TAF1: variants seen among roughly 807,000 people sequenced by gnomAD.
TAF1 encodes the protein TATA-box binding protein associated factor 1.
TAF1 carries 2 observed loss-of-function variants against 138.5 expected under a neutral mutation model. The ratio of observed to expected loss-of-function variants is 0.01; its 90% CI spans 0.01 to 0.05. The LOEUF is 0.05. Among genes scored for constraint, TAF1 ranks in the 10% least tolerant of loss-of-function variants. The pLI is 1.00. For synonymous variants in TAF1, 437 were observed against 503.2 expected, an observed-to-expected ratio of 0.87 and a Z score of 1.76; for missense variants, 709 against 1,478.0, an observed-to-expected ratio of 0.48 and a Z score of 8.53.
intron 34 of TAF1, among the ~76,000 whole-genome samples, chrX:71,457,310 A>G (rs1569370768): frequency 1.8e-5 from 2 of 112,638 alleles, no homozygotes. Flanking sequence ...GAAATAAGTT[A>G]CCTCTTGTAA....
intron 28 of TAF1, among the ~76,000 whole-genome samples, chrX:71,417,672 C>A (rs1405738111): frequency 9.0e-6 from 1 of 111,393 alleles, no homozygotes; most frequent in Non-Finnish European, 1.9e-5. Context: ...CCCCAGTAAG[C>A]AGATACAGTT....
chrX:71,519,949 G>T (rs1033819253), intron 13 of TAF1, among the ~76,000 whole-genome samples: 2 of 108,685 alleles, frequency 1.8e-5, no homozygotes, highest in African/African-American at 6.7e-5. Flanking sequence ...GGGATTACAG[G>T]TGCCCACCAC....
intron 12 of TAF1, among the ~76,000 whole-genome samples, chrX:71,383,470 G>A (rs1250412036): frequency 3.6e-5 from 4 of 112,219 alleles, no homozygotes; most frequent in Admixed American, 9.5e-5. Flanking sequence ...TAGTACAGTC[G>A]TCCTTCGTTA....
chrX:71,517,460 A>T (rs1222847559), intron 13 of TAF1, among the ~76,000 whole-genome samples: 1 of 111,723 alleles, frequency 9.0e-6, no homozygotes, highest in Non-Finnish European at 1.9e-5. Flanking sequence ...TAATATATAC[A>T]CCTACTATGG....
chrX:71,508,630 A>G (rs1374985944), intron 13 of TAF1, among the ~76,000 whole-genome samples: 1 of 106,696 alleles, frequency 9.4e-6, no homozygotes, highest in East Asian at 2.9e-4. Flanking sequence ...AAAGAAAAAA[A>G]AAAAAGAAAG....
chrX:71,429,524 G>A (rs921226341), intron 32 of TAF1, among the ~76,000 whole-genome samples: 19 of 110,442 alleles, frequency 1.7e-4, no homozygotes, highest in African/African-American at 5.3e-4. Context: ...ATTACGTTTG[G>A]TAGTGAGATA....
intron 13 of TAF1, among the ~76,000 whole-genome samples, chrX:71,493,563 C>T (rs905939188): frequency 8.9e-6 from 1 of 112,618 alleles, no homozygotes; most frequent in Admixed American, 9.4e-5. Context: ...CAGCTTTTGC[C>T]CAGGCGTTGT....
At chrX:71,447,975 C>T (rs889672868) in intron 32 of TAF1, among the ~76,000 whole-genome samples, 1 of 111,755 alleles carries the variant, frequency 8.9e-6, no homozygotes, top group African/African-American at 3.2e-5. Context: ...TCCAACGTGA[C>T]ATGTAGAGTT....
At chrX:71,376,770 C>T (rs901352387) in intron 4 of TAF1, among the ~76,000 whole-genome samples, 180 bp from the exon 5 acceptor site, 3 of 110,882 alleles carry the variant, frequency 2.7e-5, no homozygotes, top group East Asian at 2.8e-4. Flanking sequence ...AGTTGGGGGA[C>T]GATGGGAGAT....
Position 71,424,151 on chromosome X carries a change from C to T in TAF1, c.4669-3C>T. On this transcript the variant is annotated splice_region_variant and splice_polypyrimidine_tract_variant and intron_variant, in intron 31 of 37. Coordinates refer to ENST00000423759, the MANE Select transcript of TAF1 (RefSeq NM_004606.5). ...TCTGAGTGCCTGATTCTTTTCATCACAGAACATCTCCAAGCACAAGTATCA... is the reference window on the plus strand; with the variant it reads ...TCTGAGTGCCTGATTCTTTTCATCATAGAACATCTCCAAGCACAAGTATCA... 1 of 1,209,106 alleles carries T rather than the reference C, an allele frequency of 8.3e-7. No homozygotes were observed. The highest frequency in any genetic ancestry group is 1.1e-6 in the Non-Finnish European group (1 of 894,084).
At chrX:71,503,347 T>C (rs1452247121) in intron 13 of TAF1, among the ~76,000 whole-genome samples, 4 of 94,521 alleles carry the variant, frequency 4.2e-5, no homozygotes, top group Non-Finnish European at 8.1e-5. Flanking sequence ...TATATATGTG[T>C]ATATATATAT....
chrX:71,463,732 A>C (rs1023984482), intron 37 of TAF1, 92 bp from the exon 38 acceptor site: 7 of 857,109 alleles, frequency 8.2e-6, no homozygotes, highest in Non-Finnish European at 1.0e-5. Flanking sequence ...AGGGGAGGTG[A>C]GATGGGCTGA....
At chrX:71,393,028 A>G (rs1206507216) in intron 20 of TAF1, 34 bp downstream of exon 20, 3 of 1,205,864 alleles carry the variant, frequency 2.5e-6, no homozygotes, top group South Asian at 1.8e-5. Context: ...AGAGTATACT[A>G]GGGGCTTTGT....
intron 32 of TAF1, among the ~76,000 whole-genome samples, chrX:71,425,175 A>G (rs1194082554): frequency 2.7e-5 from 3 of 111,299 alleles, no homozygotes; most frequent in Admixed American, 9.6e-5. Flanking sequence ...ATGGGTAGCT[A>G]TAGACCATGG....
intron 3 of TAF1, among the ~76,000 whole-genome samples, chrX:71,374,472 T>C (rs754623450): frequency 4.5e-5 from 5 of 111,983 alleles, no homozygotes; most frequent in Admixed American, 9.5e-5. Context: ...CAGATAGATA[T>C]GTAAAATATT....
downstream of TAF1, among the ~76,000 whole-genome samples, chrX:71,470,536 C>T (rs1023947185): frequency 4.6e-5 from 5 of 108,896 alleles, no homozygotes; most frequent in Non-Finnish European, 9.6e-5. Flanking sequence ...CCACCAAGCC[C>T]GGCCCAATTT....
chrX:71,503,275 A>ATAT, intron 13 of TAF1, among the ~76,000 whole-genome samples: 1 of 85,537 alleles, frequency 1.2e-5, no homozygotes, highest in East Asian at 3.4e-4. Flanking sequence ...TCTCAAAAAA[A>ATAT]AAATATATAT....
chrX:71,449,180 C>T (rs1319501968), intron 32 of TAF1, among the ~76,000 whole-genome samples: 2 of 111,771 alleles, frequency 1.8e-5, no homozygotes, highest in African/African-American at 6.5e-5. Context: ...TTAGCAGAGA[C>T]GGGGTTTCTC....
chrX:71,498,971 C>T (rs2039445708), intron 13 of TAF1, among the ~76,000 whole-genome samples: 2 of 111,242 alleles, frequency 1.8e-5, no homozygotes, highest in African/African-American at 6.5e-5. Context: ...TTTCCTGGCC[C>T]TCAATAGTTA....
Sources: allele counts gnomAD v4.1 joint callset (sites outside exome capture counted in the v4.1 genomes callset), GRCh38; gene constraint gnomAD v4.1.1; transcripts MANE v1.5; gene names NCBI Gene and HGNC (gene_info 2026-07-23, HGNC 2026-07-21).